Variants in MAT2B observed in about 807,000 individuals in gnomAD.
MAT2B encodes the protein methionine adenosyltransferase 2 non-catalytic beta subunit.
A neutral mutation model predicts 36.1 loss-of-function variants in MAT2B; 16 were observed. The observed-to-expected ratio is 0.44, with a 90% CI of 0.30 to 0.67. The LOEUF (loss-of-function observed/expected upper bound fraction) is 0.67, where lower values mean the gene tolerates loss of function less well. Among genes scored for constraint, MAT2B ranks in the 30% least tolerant of loss-of-function variants. The pLI is 0.09. For synonymous variants in MAT2B, 148 were observed against 136.9 expected (o/e 1.08, Z -0.57); for missense variants, 332 against 398.2 (o/e 0.83, Z 1.42).
chr5:163,511,652 C>G (rs1760046888), intron 1 of MAT2B, among the ~76,000 whole-genome samples: 1 of 151,366 alleles, frequency 6.6e-6, no homozygotes, highest in Admixed American at 6.6e-5. Flanking sequence ...TTATTTATTA[C>G]ATTTTTAAGT....
intron 5 of MAT2B, 93 bp from the exon 6 acceptor site, chr5:163,517,468 C>T (rs1760150921): frequency 2.9e-6 from 2 of 684,524 alleles, no homozygotes; most frequent in African/African-American, 3.6e-5. Context: ...CTTTTAGTTC[C>T]TGGACCTTAT....
In MAT2B at chr5:163,512,019, T is replaced by C. The variant is rs527861246; in HGVS notation, c.81T>C (p.Pro27=). The change falls in exon 2 of 7, where the codon CCT becomes CCC. Residue 27 remains proline (P), a synonymous_variant. Transcript: ENST00000321757. ...CRLVEEEVNI[P]NRRVLVTGAT... is the part of the protein sequence containing the mutation. ...CCTTTTAGGAGGAAGTTAACATCCC[T>C]AATAGGAGGGTTCTGGTTACTGGTG... 6 of 1,613,744 alleles carry C rather than the reference T, an allele frequency of 3.7e-6. No homozygotes were observed. The highest frequency in any genetic ancestry group is 1.3e-5 in the African/African-American group (1 of 75,046).
Position 163,517,606 on chromosome 5 carries a change from A to G in MAT2B, c.766A>G (p.Met256Val), listed in dbSNP as rs368945288. The G allele has an allele frequency of 1.9e-6, 3 of 1,613,910 alleles. No individual in the cohort carries two copies. Among genetic ancestry groups the G allele is most frequent in the Non-Finnish European group, 2.5e-6 (3 of 1,179,814 alleles). Residue 256 changes from methionine to valine, a missense_variant, in exon 6 of 7, where the codon ATG becomes GTG. Met to Val is a conservative substitution (Grantham distance 21, BLOSUM62 1). Transcript: ENST00000321757. The part of the protein sequence containing the change: ...GTFHWSGNEQ[M>V]TKYEMACAIA... ...CTTTCACTGGTCTGGCAATGAACAG[A>G]TGACTAAGTATGAAATGGCATGTGC...
At position 163,516,645 on chromosome 5, in the gene MAT2B, G is replaced by GAGGT; in HGVS notation, c.655_658dup (p.Phe220Ter). ...CAGCAAACATGGATCACTGGCAGCA[G>GAGGT]AGGTTCCCCACACATGTCAAAGATG... On this transcript the variant is annotated frameshift_variant, in exon 5 of 7. Transcript: ENST00000321757. LOFTEE classifies it high-confidence loss of function. The GAGGT allele has an allele frequency of 6.2e-7, 1 of 1,614,206 alleles. No homozygotes were observed. Among genetic ancestry groups the GAGGT allele is most frequent in the Non-Finnish European group, 8.5e-7 (1 of 1,180,028 alleles).
Position 163,513,625 on chromosome 5 carries a change from C to G in MAT2B, c.329C>G (p.Ser110Cys), listed in dbSNP as rs781428598. The change falls in exon 3 of 7, where the codon TCT (serine) becomes TGT (cysteine). Residue 110 changes from serine (S) to cysteine (C), a missense_variant. By Grantham distance (112) the Ser-to-Cys change is moderately radical (BLOSUM62 -1). Coordinates refer to ENST00000321757, the MANE Select transcript of MAT2B (RefSeq NM_013283.5). ...DVVENQPDAA[S>C]QLNVDASGNL... is the part of the protein sequence containing the mutation. ...GTAGAAAATCAGCCAGATGCTGCCT[C>G]TCAACTTAATGTGGATGCTTCTGGG... 1.9e-6 allele frequency: 3 copies of G among 1,613,980 alleles called. No homozygotes were observed. The highest frequency in any genetic ancestry group is 2.5e-6 in the Non-Finnish European group (3 of 1,179,914).
chr5:163,511,613 A>G (rs1760045981), intron 1 of MAT2B, among the ~76,000 whole-genome samples: 1 of 151,850 alleles, frequency 6.6e-6, no homozygotes, highest in South Asian at 2.1e-4. Flanking sequence ...ACAGTTTTTT[A>G]TATGGTTTGA....
chr5:163,508,418 G>A (rs1759978647), intron 1 of MAT2B, among the ~76,000 whole-genome samples: 1 of 151,212 alleles, frequency 6.6e-6, no homozygotes, highest in African/African-American at 2.4e-5. Context: ...TTCTATTTTT[G>A]GTAGAGACAG....
At chr5:163,513,282 A>G (rs1760075916) in intron 2 of MAT2B, 2 of 291,176 alleles carry the variant, frequency 6.9e-6, no homozygotes, top group African/African-American at 4.4e-5. Flanking sequence ...GAACCGTCAC[A>G]CCAGAGTAGA....
chr5:163,515,396 TTA>T (rs1484369783), intron 4 of MAT2B, among the ~76,000 whole-genome samples: 3 of 152,236 alleles, frequency 2.0e-5, no homozygotes, highest in Non-Finnish European at 4.4e-5. Flanking sequence ...CACATTTGTT[TTA>T]TATGTTTGCT....
At position 163,518,324 on chromosome 5, in the gene MAT2B, C is replaced by T; in HGVS notation, c.966C>T (p.Phe322=). 6.2e-7 allele frequency: 1 copy of T among 1,613,128 alleles called. No homozygotes were observed. Among genetic ancestry groups the T allele is most frequent in the Non-Finnish European group, 8.5e-7 (1 of 1,179,604 alleles). The change falls in exon 7 of 7, where the codon TTC becomes TTT. Residue 322 remains phenylalanine, a synonymous_variant. Coordinates refer to ENST00000321757, the MANE Select transcript of MAT2B (RefSeq NM_013283.5). ...RIGIKESLWP[F]LIDKRWRQTV... is the part of the protein sequence containing the mutation. ...GAATCAAAGAATCACTTTGGCCTTT[C>T]CTCATTGACAAGAGATGGAGACAAA...
intron 4 of MAT2B, among the ~76,000 whole-genome samples, chr5:163,515,361 G>C (rs1393355652): frequency 6.6e-6 from 1 of 152,142 alleles, no homozygotes. Context: ...CCTTCACATA[G>C]ATTCACAAAT....
At chr5:163,505,533 A>G, upstream of MAT2B, 2 of 1,242,292 alleles carry the variant, frequency 1.6e-6, no homozygotes, top group East Asian at 3.2e-5. Context: ...TGGCCAATCA[A>G]CGGGCGCGGC....
upstream of MAT2B, chr5:163,505,477 G>A (rs1265230064): frequency 1.6e-6 from 2 of 1,213,448 alleles, no homozygotes; most frequent in Non-Finnish European, 1.0e-6. Flanking sequence ...GTGGGCTGGG[G>A]GCAGACCGCG....
Position 163,512,152 on chromosome 5 carries a change from C to T in MAT2B, c.214C>T (p.Leu72=). The change falls in exon 2 of 7, where the codon CTG becomes TTG. Residue 72 remains leucine (L), a synonymous_variant. Transcript: ENST00000321757. ...AAGACCAAAATTTGAACAGGTTAATCTGTTGGATTCTAATGCAGTTCATCA... is the reference window on the plus strand; with the variant it reads ...AAGACCAAAATTTGAACAGGTTAATTTGTTGGATTCTAATGCAGTTCATCA... ...RARPKFEQVN[L]LDSNAVHHII... is the part of the protein sequence containing the mutation. 6.2e-7 allele frequency: 1 copy of T among 1,614,066 alleles called. No homozygotes were observed. Among genetic ancestry groups the T allele is most frequent in the Non-Finnish European group, 8.5e-7 (1 of 1,179,956 alleles).
intron 2 of MAT2B, chr5:163,513,160 A>AT: frequency 1.2e-5 from 2 of 170,724 alleles, no homozygotes; most frequent in African/African-American, 2.4e-5. Context: ...TGATTTTTAA[A>AT]TTTTTTTGTA....
intron 4 of MAT2B, among the ~76,000 whole-genome samples, chr5:163,515,777 T>TTTTC (rs1300533021): frequency 6.8e-5 from 9 of 131,420 alleles, no homozygotes; most frequent in African/African-American, 1.1e-4. Flanking sequence ...TTTCTTTTTT[T>TTTTC]TTTTTTTTTT....
chr5:163,511,103 T>C (rs1248502355), intron 1 of MAT2B, among the ~76,000 whole-genome samples: 1 of 152,194 alleles, frequency 6.6e-6, no homozygotes, highest in East Asian at 1.9e-4. Flanking sequence ...ATTTAGGTAC[T>C]TGGAGCAAAA....
chr5:163,507,487 G>C (rs1409263986), intron 1 of MAT2B, among the ~76,000 whole-genome samples: 1 of 152,150 alleles, frequency 6.6e-6, no homozygotes, highest in East Asian at 1.9e-4. Context: ...AGGCAGATAC[G>C]TTTAGAGTAA....
upstream of MAT2B, among the ~76,000 whole-genome samples, chr5:163,504,585 TA>T: frequency 6.6e-6 from 1 of 152,224 alleles, no homozygotes; most frequent in African/African-American, 2.4e-5. Flanking sequence ...GGACGACGTT[TA>T]GAGCTTGCTA....
Sources: allele counts gnomAD v4.1 joint callset (sites outside exome capture counted in the v4.1 genomes callset), GRCh38; gene constraint gnomAD v4.1.1; transcripts MANE v1.5; gene names NCBI Gene and HGNC (gene_info 2026-07-23, HGNC 2026-07-21).